Variants in DCLK2 observed in about 807,000 individuals in gnomAD.
DCLK2 encodes doublecortin like kinase 2, also known as serine/threonine-protein kinase DCLK2.
A neutral mutation model predicts 78.4 loss-of-function variants in DCLK2; 31 were observed. That is an observed-to-expected ratio of 0.40 (90% CI 0.30 to 0.53). The LOEUF is 0.53. DCLK2 is among the 20% of genes least tolerant of loss of function. The pLI is 0.61. For missense variants in DCLK2, 872 were observed against 973.7 expected (o/e 0.90, Z 1.39); for synonymous variants, 407 against 374.9 (o/e 1.09, Z -0.99).
At chr4:150,136,222 G>A (rs1427894860) in intron 2 of DCLK2, among the ~76,000 whole-genome samples, 2 of 152,200 alleles carry the variant, frequency 1.3e-5, no homozygotes, top group Non-Finnish European at 2.9e-5. Context: ...AGAAGAACAG[G>A]AAGTTTGTAA....
At chr4:150,224,835 G>A (rs964651121) in intron 8 of DCLK2, among the ~76,000 whole-genome samples, 2 of 152,146 alleles carry the variant, frequency 1.3e-5, no homozygotes, top group African/African-American at 4.8e-5. Context: ...TACTCAAAAG[G>A]TGCGTCAAGA....
chr4:150,205,578 G>T (rs914155980), intron 5 of DCLK2, among the ~76,000 whole-genome samples: 2 of 152,150 alleles, frequency 1.3e-5, no homozygotes, highest in Admixed American at 6.5e-5. Context: ...GATTTCAGTG[G>T]ACTTTTAAAT....
intron 12 of DCLK2, among the ~76,000 whole-genome samples, chr4:150,243,889 A>G (rs2126611739): frequency 6.9e-6 from 1 of 143,904 alleles, no homozygotes; most frequent in Non-Finnish European, 1.5e-5. Context: ...TTTTTGGTAG[A>G]GATAGGGTCT....
At chr4:150,091,660 G>C (rs1426983291) in intron 1 of DCLK2, among the ~76,000 whole-genome samples, 1 of 152,110 alleles carries the variant, frequency 6.6e-6, no homozygotes, top group Non-Finnish European at 1.5e-5. Context: ...TAACAGAGGT[G>C]TATGAGAGAC....
At position 150,256,264 on chromosome 4, in the gene DCLK2, C is replaced by G. The variant is rs1379489686; in HGVS notation, c.*17C>G. On this transcript the variant is annotated 3_prime_UTR_variant, in exon 16 of 16. Transcript: ENST00000296550. The stretch of plus-strand genomic sequence containing the variant: ...CGAGACTGAGCCTCCTGCAGACGGG[C>G]GAAGCCGCCTGCTGCAGCCCAGGAA... The G allele has an allele frequency of 6.7e-7, 1 of 1,487,344 alleles. No homozygotes were observed. Among genetic ancestry groups the G allele is most frequent in the African/African-American group, 1.4e-5 (1 of 70,442 alleles). The allele number at this position is 1,487,344 out of a possible 1,614,324, so 92.1% of individuals were successfully genotyped here.
At position 150,248,336 on chromosome 4, in the gene DCLK2, TTGAAGCTCGG is replaced by T; in HGVS notation, c.1910_1919del (p.Glu637ValfsTer7). 6.2e-7 allele frequency: 1 copy of T among 1,613,980 alleles called. No individual in the cohort carries two copies. Among genetic ancestry groups the T allele is most frequent in the Non-Finnish European group, 8.5e-7 (1 of 1,179,984 alleles). On this transcript the variant is annotated frameshift_variant, in exon 14 of 16. Coordinates refer to ENST00000296550, the MANE Select transcript of DCLK2 (RefSeq NM_001040260.4). LOFTEE classifies it high-confidence loss of function. ...ATCAGTCAAATGCTTCAGGTAAATG[TTGAAGCTCGG>T]TGTACCGCGGGACAAATCCTGAGTC...
intron 1 of DCLK2, among the ~76,000 whole-genome samples, chr4:150,093,676 G>T (rs1393357777): frequency 6.6e-6 from 1 of 152,128 alleles, no homozygotes; most frequent in Admixed American, 6.6e-5. Context: ...ACCACGCCCA[G>T]CCTCAATGGC....
chr4:150,192,865 A>C (rs572263623), intron 2 of DCLK2, among the ~76,000 whole-genome samples: 1 of 152,144 alleles, frequency 6.6e-6, no homozygotes, highest in Non-Finnish European at 1.5e-5. Flanking sequence ...CTGGGGGAAA[A>C]ATCACGTACC....
intron 1 of DCLK2, among the ~76,000 whole-genome samples, chr4:150,081,569 A>C (rs1341210372): frequency 6.6e-6 from 1 of 152,188 alleles, no homozygotes; most frequent in African/African-American, 2.4e-5. Context: ...TAATACAATA[A>C]AATTACTGCA....
rs756230898 is a variant in DCLK2, at chr4:150,232,328, A to T, written c.1300-9A>T. ...TTCTGATCTCCTCTCTATACCGTTC[A>T]TTTGACAGGAACACCTGATTGAGAA... On this transcript the variant is annotated splice_polypyrimidine_tract_variant and intron_variant, in intron 8 of 15. Transcript: ENST00000296550. 6.2e-7 allele frequency: 1 copy of T among 1,613,628 alleles called. No individual in the cohort carries two copies. Among genetic ancestry groups the T allele is most frequent in the Non-Finnish European group, 8.5e-7 (1 of 1,179,804 alleles).
At chr4:150,142,413 T>A (rs983823969) in intron 2 of DCLK2, among the ~76,000 whole-genome samples, 1 of 152,220 alleles carries the variant, frequency 6.6e-6, no homozygotes, top group Non-Finnish European at 1.5e-5. Flanking sequence ...ACCCTTCCAA[T>A]TGAGTAGAAT....
intron 2 of DCLK2, among the ~76,000 whole-genome samples, chr4:150,155,060 A>G (rs1735167073): frequency 6.6e-6 from 1 of 151,994 alleles, no homozygotes; most frequent in African/African-American, 2.4e-5. Context: ...TAGAAACCCC[A>G]ACTCTACAAA....
intron 2 of DCLK2, among the ~76,000 whole-genome samples, chr4:150,119,027 CAAAAT>C (rs1732320303): frequency 1.2e-5 from 1 of 83,960 alleles, no homozygotes; most frequent in Non-Finnish European, 2.5e-5. Flanking sequence ...GGCTCTGTCT[CAAAAT>C]AACAATAATA....
intron 2 of DCLK2, among the ~76,000 whole-genome samples, chr4:150,184,644 C>T (rs565322651): frequency 6.8e-6 from 1 of 147,808 alleles, no homozygotes; most frequent in African/African-American, 2.5e-5. Flanking sequence ...CTCTGTCGCC[C>T]AGGCTGGAGT....
At chr4:150,091,141 C>G (rs548930275) in intron 1 of DCLK2, among the ~76,000 whole-genome samples, 1 of 152,148 alleles carries the variant, frequency 6.6e-6, no homozygotes, top group Non-Finnish European at 1.5e-5. Flanking sequence ...TCTTAGCTAG[C>G]TGGATGTGGG....
chr4:150,234,325 C>G (rs1383129752), intron 10 of DCLK2, among the ~76,000 whole-genome samples: 1 of 152,206 alleles, frequency 6.6e-6, no homozygotes, highest in Non-Finnish European at 1.5e-5. Context: ...TTGTCTGCCT[C>G]TTTGGGATTG....
chr4:150,091,769 A>ATATGTG (rs1491104260), intron 1 of DCLK2, among the ~76,000 whole-genome samples: 1 of 117,020 alleles, frequency 8.5e-6, no homozygotes, highest in Non-Finnish European at 2.0e-5. Context: ...AGGAACATTT[A>ATATGTG]TGTGTGTGTG....
intron 10 of DCLK2, 40 bp from the exon 11 acceptor site, chr4:150,239,701 GA>G (rs532036411): frequency 8.6e-5 from 137 of 1,599,556 alleles, no homozygotes; most frequent in Non-Finnish European, 8.7e-5. Context: ...AATTGTTGAG[GA>G]AAAAAAAATC....
intron 4 of DCLK2, among the ~76,000 whole-genome samples, chr4:150,203,522 C>T (rs1266365833): frequency 6.6e-6 from 1 of 151,862 alleles, no homozygotes; most frequent in African/African-American, 2.4e-5. Context: ...TCGTTCACAT[C>T]ACTAATTCCA....
Sources: allele counts gnomAD v4.1 joint callset (sites outside exome capture counted in the v4.1 genomes callset), GRCh38; gene constraint gnomAD v4.1.1; transcripts MANE v1.5; gene names NCBI Gene and HGNC (gene_info 2026-07-23, HGNC 2026-07-21).